Variants in SNTG1 observed in about 807,000 individuals in gnomAD.
SNTG1 encodes the protein syntrophin gamma 1, also known as gamma-1-syntrophin.
In SNTG1, 39 loss-of-function variants were observed where a neutral mutation model predicts 74.7. The observed-to-expected ratio is 0.52, with a 90% CI of 0.40 to 0.68. The LOEUF (loss-of-function observed/expected upper bound fraction) is 0.68. Ranked by LOEUF, SNTG1 falls within the 30% of genes least tolerant of loss-of-function variation. The pLI, the probability that SNTG1 is intolerant of heterozygous loss-of-function variation, is 0.00. For synonymous variants in SNTG1, 254 were observed against 217.1 expected (o/e 1.17, Z -1.49); for missense variants, 685 against 609.5 (o/e 1.12, Z -1.30).
chr8:50,395,658 C>G (rs982644394), intron 3 of SNTG1, among the ~76,000 whole-genome samples: 1 of 151,892 alleles, frequency 6.6e-6, no homozygotes, highest in African/African-American at 2.4e-5. Flanking sequence ...TGCCTGCCAC[C>G]ACGCCAGGCT....
intron 5 of SNTG1, among the ~76,000 whole-genome samples, chr8:50,439,225 T>G (rs2131572010): frequency 6.6e-6 from 1 of 152,262 alleles, no homozygotes; most frequent in Non-Finnish European, 1.5e-5. Flanking sequence ...GGATAAATTT[T>G]TAAAGCATAG....
chr8:50,598,076 A>G (rs1007095703), intron 13 of SNTG1, among the ~76,000 whole-genome samples: 9 of 151,448 alleles, frequency 5.9e-5, no homozygotes, highest in Admixed American at 3.9e-4. Flanking sequence ...AGTTTGATGC[A>G]ATCCCATTTG....
intron 1 of SNTG1, among the ~76,000 whole-genome samples, chr8:49,948,654 G>T (rs533275785): frequency 6.6e-6 from 1 of 152,178 alleles, no homozygotes; most frequent in Non-Finnish European, 1.5e-5. Context: ...TATTTTCTTT[G>T]GTGCAAAATA....
chr8:50,146,448 G>A (rs1198001338), intron 1 of SNTG1, among the ~76,000 whole-genome samples: 1 of 152,122 alleles, frequency 6.6e-6, no homozygotes, highest in Non-Finnish European at 1.5e-5. Context: ...TACCTGGGAG[G>A]GGGAGGTTGC....
intron 8 of SNTG1, among the ~76,000 whole-genome samples, chr8:50,481,577 A>G (rs1008666466): frequency 1.3e-5 from 2 of 152,166 alleles, no homozygotes; most frequent in Non-Finnish European, 2.9e-5. Context: ...GAAATTTAAA[A>G]ACTTAACTGT....
intron 1 of SNTG1, among the ~76,000 whole-genome samples, chr8:50,025,112 A>C (rs957516030): frequency 6.6e-6 from 1 of 152,136 alleles, no homozygotes; most frequent in South Asian, 2.1e-4. Context: ...TCTTGCTAAT[A>C]TTTCTTCACA....
chr8:50,013,069 T>C (rs554204712), intron 1 of SNTG1, among the ~76,000 whole-genome samples: 1 of 152,230 alleles, frequency 6.6e-6, no homozygotes, highest in South Asian at 2.1e-4. Context: ...GCCCTGGATA[T>C]GAAAGCATTA....
intron 2 of SNTG1, among the ~76,000 whole-genome samples, chr8:50,313,357 C>T (rs182932877): frequency 6.7e-6 from 1 of 149,384 alleles, no homozygotes; most frequent in Non-Finnish European, 1.5e-5. Context: ...GCAAAGGAAA[C>T]AATTTAACAG....
chr8:50,514,664 G>T (rs2094116283), intron 9 of SNTG1, among the ~76,000 whole-genome samples: 1 of 152,114 alleles, frequency 6.6e-6, no homozygotes. Flanking sequence ...CTATTAGGGA[G>T]AATATTTTGT....
chr8:50,039,827 A>G (rs1818480480), intron 1 of SNTG1, among the ~76,000 whole-genome samples: 1 of 152,088 alleles, frequency 6.6e-6, no homozygotes, highest in Non-Finnish European at 1.5e-5. Flanking sequence ...TAAACCTCAG[A>G]CCCGTAAGTC....
At chr8:50,423,183 T>A (rs549679115) in intron 4 of SNTG1, among the ~76,000 whole-genome samples, 1 of 152,162 alleles carries the variant, frequency 6.6e-6, no homozygotes, top group Non-Finnish European at 1.5e-5. Context: ...GGAATCAAAG[T>A]AGAAACCAAT....
chr8:50,723,386 A>G (rs1272836090), intron 17 of SNTG1, among the ~76,000 whole-genome samples: 1 of 152,212 alleles, frequency 6.6e-6, no homozygotes, highest in East Asian at 1.9e-4. Flanking sequence ...TCCAAATTCA[A>G]GGTCCTTTGA....
At chr8:50,501,543 C>T (rs1423527347) in intron 8 of SNTG1, among the ~76,000 whole-genome samples, 2 of 145,334 alleles carry the variant, frequency 1.4e-5, no homozygotes, top group Non-Finnish European at 3.0e-5. Flanking sequence ...TCAAACGATT[C>T]TCCTGCCTTA....
intron 1 of SNTG1, among the ~76,000 whole-genome samples, chr8:50,003,472 A>C (rs2130475394): frequency 6.6e-6 from 1 of 152,308 alleles, no homozygotes; most frequent in East Asian, 1.9e-4. Context: ...AAATTCTTGA[A>C]CTGAAAACAT....
At chr8:50,280,873 G>A (rs2088401446) in intron 2 of SNTG1, among the ~76,000 whole-genome samples, 1 of 151,598 alleles carries the variant, frequency 6.6e-6, no homozygotes, top group South Asian at 2.1e-4. Context: ...AGGACTTAAG[G>A]CCCAGCAAGG....
At chr8:50,510,558 G>A (rs193086005) in intron 9 of SNTG1, among the ~76,000 whole-genome samples, 1 of 152,066 alleles carries the variant, frequency 6.6e-6, no homozygotes. Context: ...ACTTTTTTTG[G>A]TTGGTAAGCT....
intron 1 of SNTG1, among the ~76,000 whole-genome samples, chr8:50,029,782 C>T (rs1354843447): frequency 6.6e-6 from 1 of 152,086 alleles, no homozygotes; most frequent in Non-Finnish European, 1.5e-5. Flanking sequence ...CAGATCTTGA[C>T]TATTGTCAAT....
intron 12 of SNTG1, among the ~76,000 whole-genome samples, chr8:50,590,376 C>A (rs1037655212): frequency 4.6e-5 from 7 of 152,004 alleles, no homozygotes; most frequent in African/African-American, 1.7e-4. Flanking sequence ...ACTTTAAATT[C>A]TTATAAAATG....
upstream of SNTG1, chr8:49,911,189 C>T (rs994525203): frequency 7.2e-5 from 11 of 152,246 alleles, no homozygotes; most frequent in African/African-American, 2.6e-4. Context: ...TTGGGTTTCT[C>T]AAAATTTGAA....
Sources: allele counts gnomAD v4.1 joint callset (sites outside exome capture counted in the v4.1 genomes callset), GRCh38; gene constraint gnomAD v4.1.1; transcripts MANE v1.5; gene names NCBI Gene and HGNC (gene_info 2026-07-23, HGNC 2026-07-21).